Variants in MAPK4 observed in about 807,000 individuals in gnomAD.
MAPK4 encodes mitogen-activated protein kinase 4, also known as Erk3-related.
MAPK4 carries 22 observed loss-of-function variants against 47.7 expected under a neutral mutation model. The ratio of observed to expected loss-of-function variants is 0.46; its 90% CI spans 0.33 to 0.66. The LOEUF is 0.66. Ranked by LOEUF, MAPK4 falls within the 30% of genes least tolerant of loss-of-function variation. The pLI is 0.02. For missense variants in MAPK4, 736 were observed against 831.7 expected (o/e 0.88, Z 1.42); for synonymous variants, 390 against 365.7 (o/e 1.07, Z -0.76).
At chr18:50,564,131 C>T (rs1435796404) in intron 1 of MAPK4, among the ~76,000 whole-genome samples, 2 of 152,190 alleles carry the variant, frequency 1.3e-5, no homozygotes, top group Non-Finnish European at 2.9e-5. Context: ...TATCATGGTG[C>T]AGTGGTTGAA....
intron 1 of MAPK4, among the ~76,000 whole-genome samples, chr18:50,612,929 C>T (rs2042652478): frequency 6.6e-6 from 1 of 152,130 alleles, no homozygotes; most frequent in Non-Finnish European, 1.5e-5. Flanking sequence ...TGGTGTGGAA[C>T]CTTGTAGCCG....
At chr18:50,712,477 G>A (rs1910423269) in intron 2 of MAPK4, among the ~76,000 whole-genome samples, 1 of 151,312 alleles carries the variant, frequency 6.6e-6, no homozygotes, top group Admixed American at 6.6e-5. Context: ...TTTTTAAAGA[G>A]TGTGAAGAAC....
intron 1 of MAPK4, among the ~76,000 whole-genome samples, chr18:50,577,187 G>T (rs1406760648): frequency 1.3e-5 from 2 of 152,174 alleles, no homozygotes; most frequent in Non-Finnish European, 2.9e-5. Context: ...ACAAGTTTGG[G>T]AACCAATGGT....
chr18:50,668,420 A>T (rs1335406038), intron 2 of MAPK4, among the ~76,000 whole-genome samples: 1 of 152,194 alleles, frequency 6.6e-6, no homozygotes, highest in Non-Finnish European at 1.5e-5. Context: ...AGTGAAGGAG[A>T]TACCAAAGGA....
chr18:50,570,031 A>C (rs1277505267), intron 1 of MAPK4, among the ~76,000 whole-genome samples: 1 of 152,192 alleles, frequency 6.6e-6, no homozygotes, highest in Non-Finnish European at 1.5e-5. Context: ...TGTTAACCTC[A>C]TCCAGCTTTC....
At chr18:50,629,507 A>C (rs2042810344) in intron 1 of MAPK4, 3 of 152,376 alleles carry the variant, frequency 2.0e-5, no homozygotes, top group Admixed American at 2.0e-4. Flanking sequence ...AGTTGGAGGC[A>C]GGTCCAGGAA....
chr18:50,673,788 G>A (rs182128399), intron 2 of MAPK4, among the ~76,000 whole-genome samples: 182 of 152,056 alleles, frequency 1.2e-3, no homozygotes, highest in Admixed American at 5.7e-3. Flanking sequence ...CCCAGGAGGC[G>A]GAGCTTGCAG....
intron 1 of MAPK4, among the ~76,000 whole-genome samples, chr18:50,637,961 T>C (rs896569131): frequency 2.6e-5 from 4 of 152,244 alleles, no homozygotes; most frequent in Non-Finnish European, 5.9e-5. Context: ...TCTGAGTTAC[T>C]AGGGGTTAGG....
Position 50,729,806 on chromosome 18 carries a change from C to T in MAPK4, c.1716C>T (p.His572=). The part of the protein sequence containing the change: ...GDLNGACIPE[H]PGDLVQTEAF... Reference sequence around the variant, plus strand: ...TCAATGGTGCGTGCATCCCCGAGCACCCTGGCGACCTCGTGCAGACCGAGG... The same window carrying T: ...TCAATGGTGCGTGCATCCCCGAGCATCCTGGCGACCTCGTGCAGACCGAGG... The change falls in exon 6 of 6, where the codon CAC becomes CAT. Residue 572 remains histidine (H), a synonymous_variant. Transcript: ENST00000400384. The T allele has an allele frequency of 6.2e-7, 1 of 1,612,418 alleles. No homozygotes were observed. The highest frequency in any genetic ancestry group is 8.5e-7 in the Non-Finnish European group (1 of 1,179,734).
At position 50,729,657 on chromosome 18, in the gene MAPK4, C is replaced by G; in HGVS notation, c.1567C>G (p.Pro523Ala). 1 of 1,522,230 alleles carries G rather than the reference C, an allele frequency of 6.6e-7. No homozygotes were observed. The highest frequency in any genetic ancestry group is 8.8e-7 in the Non-Finnish European group (1 of 1,132,732). The allele number at this position is 1,522,230 out of a possible 1,614,324, so 94.3% of individuals were successfully genotyped here. The change falls in exon 6 of 6, where the codon CCC becomes GCC. Residue 523 changes from proline to alanine, a missense_variant. Physicochemically the swap from Pro to Ala is conservative, Grantham distance 27. This residue lies in a region of MAPK4 where 377 missense variants were observed against 378.6 expected (regional missense o/e 1.00). Transcript: ENST00000400384. ...CGAGCGCCGCTTGTCTGCCTCGCCC[C>G]CCGGCCGCCCGGCCCCGGTGGACGG... ...DPERRLSASP[P>A]GRPAPVDGGA...
intron 1 of MAPK4, among the ~76,000 whole-genome samples, chr18:50,634,203 G>T (rs564716422): frequency 6.6e-6 from 1 of 152,216 alleles, no homozygotes; most frequent in South Asian, 2.1e-4. Context: ...AGCAACTCTT[G>T]GTTCTGCTCC....
intron 1 of MAPK4, among the ~76,000 whole-genome samples, chr18:50,646,051 A>G (rs181725675): frequency 3.3e-4 from 51 of 152,346 alleles, no homozygotes; most frequent in Non-Finnish European, 6.9e-4. Flanking sequence ...CTCTTACAAA[A>G]ACCCTGTGGG....
chr18:50,675,468 C>T (rs1908210350), intron 2 of MAPK4, among the ~76,000 whole-genome samples: 1 of 152,060 alleles, frequency 6.6e-6, no homozygotes, highest in Admixed American at 6.5e-5. Flanking sequence ...AGGTGCCTGC[C>T]ACCAGGCCCA....
At chr18:50,669,810 T>G (rs532060545) in intron 2 of MAPK4, 1 of 152,234 alleles carries the variant, frequency 6.6e-6, no homozygotes. Flanking sequence ...CCTCATTCTA[T>G]CTCTCTAAGG....
intron 2 of MAPK4, among the ~76,000 whole-genome samples, chr18:50,694,966 G>C (rs1909421366): frequency 6.6e-6 from 1 of 152,152 alleles, no homozygotes; most frequent in African/African-American, 2.4e-5. Context: ...ACCCTAAATG[G>C]TAAGTGCCTG....
Position 50,715,228 on chromosome 18 carries a change from G to A in MAPK4, c.691+5G>A. The A allele has an allele frequency of 6.2e-7, 1 of 1,612,542 alleles. No individual in the cohort carries two copies. Among genetic ancestry groups the A allele is most frequent in the Non-Finnish European group, 8.5e-7 (1 of 1,179,434 alleles). ...CGGGGAGAATGCTCTTTGCTGGTGA[G>A]TTGCTAACTATGCCACCTTCCTTCT... On this transcript the variant is annotated splice_donor_5th_base_variant and intron_variant, in intron 3 of 5. Transcript: ENST00000400384.
chr18:50,620,121 G>A (rs41463850), intron 1 of MAPK4, among the ~76,000 whole-genome samples: 1,564 of 152,344 alleles, frequency 0.01, 26 homozygotes, highest in African/African-American at 0.036. Flanking sequence ...CAGGAATCCA[G>A]GCTCTCTGGC....
chr18:50,719,938 AGGGAGGAACACCTTCCCCG>A (rs1174071307), intron 3 of MAPK4, among the ~76,000 whole-genome samples: 1 of 152,214 alleles, frequency 6.6e-6, no homozygotes, highest in East Asian at 1.9e-4. Flanking sequence ...CTCTCTTACC[AGGGAGGAACACCTTCCCCG>A]GAAGTCCTTC....
chr18:50,668,234 G>T (rs1309252815), intron 2 of MAPK4, among the ~76,000 whole-genome samples: 1 of 152,142 alleles, frequency 6.6e-6, no homozygotes, highest in Admixed American at 6.5e-5. Flanking sequence ...GGGAGTGGGG[G>T]CGCACCACCC....
Sources: gnomAD v4.1 joint callset for allele counts (sites outside exome capture counted in the v4.1 genomes callset) on GRCh38, gnomAD v4.1.1 for gene constraint, gnomAD v4.1.1 regional missense constraint, MANE v1.5 for transcripts, NCBI Gene and HGNC (gene_info 2026-07-23, HGNC 2026-07-21) for gene names.